PCGF3: variants seen among roughly 807,000 people sequenced by gnomAD.
PCGF3 encodes the protein polycomb group ring finger 3, also known as polycomb group RING finger protein 3.
Under a neutral mutation model 33.1 loss-of-function variants are expected in PCGF3, and 7 were observed. That is an observed-to-expected ratio of 0.21 (90% CI 0.12 to 0.40). The LOEUF (loss-of-function observed/expected upper bound fraction) is 0.40, where lower values mean the gene tolerates loss of function less well. Ranked by LOEUF, PCGF3 falls within the 10% of genes least tolerant of loss-of-function variation. The probability of loss-of-function intolerance (pLI) is 1.00; values close to 1 mark genes in which losing one functional copy is unlikely to be tolerated. For synonymous variants in PCGF3, 153 were observed against 121.3 expected (o/e 1.26, Z -1.72); for missense variants, 211 against 313.3 (o/e 0.67, Z 2.46).
chr4:770,073 G>A (rs545672081), exon 11 of PCGF3: 2 of 152,484 alleles, frequency 1.3e-5, no homozygotes, highest in African/African-American at 2.4e-5. Flanking sequence ...TGTAATAAAA[G>A]CAAAAGAAAA....
At chr4:716,374 GTGAGTGTGAGAA>G in intron 1 of PCGF3, among the ~76,000 whole-genome samples, 1 of 115,970 alleles carries the variant, frequency 8.6e-6, no homozygotes, top group Non-Finnish European at 1.9e-5. Context: ...TGTGGACACT[GTGAGTGTGAGAA>G]CTGGGCGTCG....
intron 8 of PCGF3, among the ~76,000 whole-genome samples, chr4:754,186 G>A (rs1560214599): frequency 6.6e-6 from 1 of 152,224 alleles, no homozygotes; most frequent in Non-Finnish European, 1.5e-5. Flanking sequence ...CCTATACCCT[G>A]AGCAGGCTGG....
At chr4:733,734 C>A (rs201953888) in exon 4 of PCGF3, 1 of 1,612,562 alleles carries the variant, frequency 6.2e-7, no homozygotes, top group Middle Eastern at 1.6e-4. Context: ...TCACCTGCCG[C>A]CTGTGCAGCG....
At chr4:739,502 T>C (rs1743991104) in intron 6 of PCGF3, among the ~76,000 whole-genome samples, 1 of 152,226 alleles carries the variant, frequency 6.6e-6, no homozygotes, top group African/African-American at 2.4e-5. Flanking sequence ...TGTTTTTGTT[T>C]ATTCCAATCA....
At chr4:761,139 GTT>G in intron 8 of PCGF3, 138 bp from the exon 9 acceptor site, 2 of 547,652 alleles carry the variant, frequency 3.7e-6, no homozygotes, top group Non-Finnish European at 6.1e-6. Flanking sequence ...TTTCTGCAGT[GTT>G]GAAGTCAAAG....
intron 9 of PCGF3, 104 bp downstream of exon 9, chr4:761,520 G>A: frequency 7.0e-7 from 1 of 1,438,292 alleles, no homozygotes; most frequent in East Asian, 2.4e-5. Flanking sequence ...AACAATTTTG[G>A]AGATTTTAAC....
At chr4:709,771 G>A (rs542713777) in intron 1 of PCGF3, among the ~76,000 whole-genome samples, 2 of 152,352 alleles carry the variant, frequency 1.3e-5, no homozygotes, top group South Asian at 4.1e-4. Flanking sequence ...GGAGAAAACC[G>A]TGTTAGGTTT....
intron 6 of PCGF3, among the ~76,000 whole-genome samples, chr4:742,754 C>G (rs577312019): frequency 6.6e-6 from 1 of 152,202 alleles, no homozygotes; most frequent in African/African-American, 2.4e-5. Flanking sequence ...CGTCTGCCGC[C>G]GGGCAGTCTC....
intron 3 of PCGF3, chr4:732,354 CCCCTCCCCTCCCTTCT>C (rs1466769759): frequency 7.0e-6 from 1 of 142,666 alleles, no homozygotes; most frequent in East Asian, 2.6e-4. Context: ...CCCTTCCCTT[CCCCTCCCCTCCCTTCT>C]CCTTCCCCTC....
chr4:738,169 G>C (rs1432188536), intron 6 of PCGF3, among the ~76,000 whole-genome samples: 5 of 152,244 alleles, frequency 3.3e-5, no homozygotes, highest in African/African-American at 1.2e-4. Context: ...AAGGCAGATA[G>C]AGAAGCTGAG....
rs377506443 is a variant in PCGF3, at chr4:749,056, G to T, written c.462+4368G>T. Among the ~76,000 whole-genome samples the T allele has an allele frequency of 2.5e-3, 388 of 152,248 alleles. 3 individuals are homozygous for T. Among genetic ancestry groups the T allele is most frequent in the African/African-American group, 8.9e-3 (370 of 41,546 alleles). On this transcript the variant is annotated intron_variant, in intron 8 of 10. Coordinates refer to ENST00000362003, the Ensembl canonical transcript of PCGF3. ...GTTTTGCAGTTTTAAATTTATATCA[G>T]TGTTTACTTTTACTAATATTTACCT...
chr4:711,481 C>T (rs1451454168), intron 1 of PCGF3, among the ~76,000 whole-genome samples: 2 of 131,156 alleles, frequency 1.5e-5, no homozygotes, highest in African/African-American at 2.9e-5. Flanking sequence ...GACGGAGTCT[C>T]GCTCTGTCGC....
Position 766,014 on chromosome 4 carries a change from CGT to C in PCGF3, c.682-17_682-16del. 6.2e-7 allele frequency: 1 copy of C among 1,612,912 alleles called. No homozygotes were observed. Among genetic ancestry groups the C allele is most frequent in the East Asian group, 2.2e-5 (1 of 44,864 alleles). ...CCACCCCTGCTAAGCAGGCACTGTG[CGT>C]TCTTGTGTCTTCCAGAAGGCGCCGC... On this transcript the variant is annotated splice_polypyrimidine_tract_variant and intron_variant, in intron 10 of 10. Coordinates refer to ENST00000362003, the Ensembl canonical transcript of PCGF3.
At chr4:731,256 C>T in intron 3 of PCGF3, 146 bp downstream of exon 3, 1 of 398,322 alleles carries the variant, frequency 2.5e-6, no homozygotes, top group Non-Finnish European at 4.4e-6. Context: ...GTTTTCCTGG[C>T]CCCTCCTGTG....
chr4:740,277 C>T (rs1012269263), intron 6 of PCGF3, among the ~76,000 whole-genome samples: 7 of 152,366 alleles, frequency 4.6e-5, no homozygotes, highest in East Asian at 1.9e-4. Context: ...ACGCTGTCCC[C>T]GCACCCCCAC....
chr4:726,095 CG>C (rs1234074817), intron 1 of PCGF3, among the ~76,000 whole-genome samples: 1 of 152,332 alleles, frequency 6.6e-6, no homozygotes, highest in East Asian at 1.9e-4. Context: ...CAGAGGCTGG[CG>C]GGCAGGAATG....
intron 6 of PCGF3, among the ~76,000 whole-genome samples, chr4:741,058 C>T (rs964877484): frequency 2.6e-5 from 4 of 152,182 alleles, no homozygotes; most frequent in African/African-American, 9.7e-5. Flanking sequence ...GGCAAAGCAC[C>T]GACTTTCTCA....
intron 7 of PCGF3, 183 bp downstream of exon 7, chr4:743,767 C>T (rs1411028130): frequency 7.6e-6 from 4 of 527,724 alleles, no homozygotes; most frequent in South Asian, 2.3e-5. Flanking sequence ...CCAGTGGGAA[C>T]GTGGGCAGAG....
rs561530096 is a variant in PCGF3 at position 731,322 on chromosome 4, T to C, written c.-10+212T>C. The C allele has an allele frequency of 3.3e-4, 130 of 399,360 alleles. 1 individual carries two copies. The highest frequency in any genetic ancestry group is 2.5e-3 in the African/African-American group (123 of 48,704). 24.7% of individuals were successfully genotyped at this position (399,360 alleles called of 1,614,324 possible). On this transcript the variant is annotated intron_variant, in intron 3 of 10. Coordinates refer to ENST00000362003, the Ensembl canonical transcript of PCGF3. The stretch of plus-strand genomic sequence containing the variant: ...CCCAGGCCTCGATGGCAGTGCGGGG[T>C]GCAGAGGGCTGGTCTCCTTCCGTCA...
Sources: allele counts gnomAD v4.1 joint callset (sites outside exome capture counted in the v4.1 genomes callset), GRCh38; gene constraint gnomAD v4.1.1; transcripts MANE v1.5; gene names NCBI Gene and HGNC (gene_info 2026-07-23, HGNC 2026-07-21).